The following SEMA5A variants were observed in gnomAD, a reference collection of about 807,000 sequenced individuals.
The protein encoded by SEMA5A is semaphorin-5A.
Under a neutral mutation model 135.5 loss-of-function variants are expected in SEMA5A, and 55 were observed. That is an observed-to-expected ratio of 0.41 (90% CI 0.33 to 0.51). The LOEUF is 0.51. Ranked by LOEUF, SEMA5A falls within the 20% of genes least tolerant of loss-of-function variation. The probability of loss-of-function intolerance (pLI) is 0.37; values close to 1 mark genes in which losing one functional copy is unlikely to be tolerated. For synonymous variants in SEMA5A, 580 were observed against 546.5 expected, an observed-to-expected ratio of 1.06 and a Z score of -0.85; for missense variants, 1,290 against 1,419.9, an observed-to-expected ratio of 0.91 and a Z score of 1.47.
chr5:9,350,218 C>A (rs73050560), intron 3 of SEMA5A, among the ~76,000 whole-genome samples: 1,544 of 152,220 alleles, frequency 0.01, 26 homozygotes, highest in African/African-American at 0.035. Flanking sequence ...ACAAAACTAC[C>A]CTGCATTTAC....
At chr5:9,444,086 T>G (rs948720120) in intron 1 of SEMA5A, among the ~76,000 whole-genome samples, 3 of 152,208 alleles carry the variant, frequency 2.0e-5, no homozygotes, top group Non-Finnish European at 4.4e-5. Context: ...CAAGACAGGG[T>G]CAGGACTCAA....
chr5:9,132,472 G>T (rs1262834609), intron 13 of SEMA5A, among the ~76,000 whole-genome samples: 5 of 152,172 alleles, frequency 3.3e-5, no homozygotes, highest in Non-Finnish European at 7.3e-5. Context: ...TTCTAGGCGG[G>T]ACACAGCAAG....
In SEMA5A at chr5:9,226,930, C is replaced by T. The variant is rs143641645; in HGVS notation, c.371G>A (p.Gly124Asp). The T allele has an allele frequency of 7.0e-6, 11 of 1,578,634 alleles. No individual in the cohort carries two copies. In the East Asian group the frequency reaches 1.2e-4, roughly 17 times the overall value. ...CQNYIRVLLV[G>D]GDRLFTCGTN... Reference sequence around the variant, plus strand: ...CCCACAGGTGAATAACCGGTCGCCACCCACCAGAAGCACCCGGATGTAGTT... The same window carrying T: ...CCCACAGGTGAATAACCGGTCGCCATCCACCAGAAGCACCCGGATGTAGTT... Residue 124 changes from glycine (G) to aspartate (D), a missense_variant, in exon 7 of 23, where the codon GGT becomes GAT. Physicochemically the swap from Gly to Asp is moderately conservative, Grantham distance 94. Transcript: ENST00000382496.
At chr5:9,101,886 T>A (rs1247225977) in intron 16 of SEMA5A, among the ~76,000 whole-genome samples, 5 of 152,170 alleles carry the variant, frequency 3.3e-5, no homozygotes, top group Admixed American at 6.5e-5. Flanking sequence ...ACGTCCAATG[T>A]AAAATAACAA....
intron 15 of SEMA5A, among the ~76,000 whole-genome samples, chr5:9,115,483 T>C (rs1203030118): frequency 6.6e-6 from 1 of 152,198 alleles, no homozygotes; most frequent in Non-Finnish European, 1.5e-5. Flanking sequence ...TGAACAGAAA[T>C]GTCTAAAGCT....
chr5:9,043,462 TTAAG>T (rs1349905811), intron 22 of SEMA5A, among the ~76,000 whole-genome samples: 7 of 152,240 alleles, frequency 4.6e-5, no homozygotes, highest in African/African-American at 1.7e-4. Context: ...TGGAACTTAT[TTAAG>T]TAAGGGCCTC....
chr5:9,108,772 G>A (rs1470311273), intron 15 of SEMA5A, among the ~76,000 whole-genome samples: 1 of 152,096 alleles, frequency 6.6e-6, no homozygotes, highest in Non-Finnish European at 1.5e-5. Flanking sequence ...TAGAGCATGG[G>A]ATTAGCATGA....
chr5:9,294,887 A>G (rs758026397), intron 5 of SEMA5A, among the ~76,000 whole-genome samples: 11 of 151,942 alleles, frequency 7.2e-5, no homozygotes, highest in Non-Finnish European at 1.2e-4. Context: ...CTCTTCCACC[A>G]CCAGAATTCT....
intron 1 of SEMA5A, among the ~76,000 whole-genome samples, chr5:9,526,373 T>G (rs1161120029): frequency 6.6e-6 from 1 of 152,238 alleles, no homozygotes; most frequent in Non-Finnish European, 1.5e-5. Flanking sequence ...TGACATTAAA[T>G]GTATCTTAAA....
At chr5:9,228,201 AC>A (rs1346720083) in intron 6 of SEMA5A, among the ~76,000 whole-genome samples, 2 of 152,194 alleles carry the variant, frequency 1.3e-5, no homozygotes, top group Non-Finnish European at 2.9e-5. Flanking sequence ...ATAGCATATT[AC>A]GTAGCTCCAA....
At chr5:9,382,207 G>A (rs1014190877) in intron 2 of SEMA5A, among the ~76,000 whole-genome samples, 5 of 152,144 alleles carry the variant, frequency 3.3e-5, no homozygotes, top group African/African-American at 1.2e-4. Context: ...GGCTGAAGCA[G>A]GAGGATTGCA....
intron 1 of SEMA5A, among the ~76,000 whole-genome samples, chr5:9,542,471 T>C (rs1738147614): frequency 6.6e-6 from 1 of 152,218 alleles, no homozygotes; most frequent in South Asian, 2.1e-4. Context: ...AATTTGCAAG[T>C]AGATGCAGGT....
chr5:9,369,821 C>G (rs1004352665), intron 3 of SEMA5A, among the ~76,000 whole-genome samples: 3 of 151,872 alleles, frequency 2.0e-5, no homozygotes, highest in African/African-American at 7.3e-5. Flanking sequence ...AGAGGCATAC[C>G]TGGTTATCAT....
chr5:9,525,806 G>T (rs188553856), intron 1 of SEMA5A, among the ~76,000 whole-genome samples: 1 of 152,084 alleles, frequency 6.6e-6, no homozygotes, highest in Non-Finnish European at 1.5e-5. Context: ...TTTTCTTTAC[G>T]CATGAATCAA....
chr5:9,507,192 T>C (rs951042948), intron 1 of SEMA5A, among the ~76,000 whole-genome samples: 10 of 152,236 alleles, frequency 6.6e-5, no homozygotes, highest in Non-Finnish European at 1.2e-4. Context: ...GAAGGCGTGA[T>C]TGAGTTTTCA....
At chr5:9,106,234 G>A (rs1355421844) in intron 16 of SEMA5A, among the ~76,000 whole-genome samples, 1 of 152,172 alleles carries the variant, frequency 6.6e-6, no homozygotes, top group Non-Finnish European at 1.5e-5. Flanking sequence ...AGACATATGT[G>A]TTATTCTGGA....
chr5:9,472,072 T>C (rs905963138), intron 1 of SEMA5A, among the ~76,000 whole-genome samples: 39 of 152,384 alleles, frequency 2.6e-4, no homozygotes, highest in African/African-American at 8.9e-4. Flanking sequence ...TGTATACATG[T>C]GCCATGTTGG....
At chr5:9,143,312 A>G (rs1261448035) in intron 12 of SEMA5A, among the ~76,000 whole-genome samples, 1 of 152,190 alleles carries the variant, frequency 6.6e-6, no homozygotes, top group East Asian at 1.9e-4. Flanking sequence ...TTCACATTAC[A>G]TGCTATGATT....
At chr5:9,231,693 G>C (rs1179990091) in intron 6 of SEMA5A, among the ~76,000 whole-genome samples, 1 of 152,148 alleles carries the variant, frequency 6.6e-6, no homozygotes. Context: ...CAATGTAGAA[G>C]TCCCTTTAGG....
Sources: allele counts gnomAD v4.1 joint callset (sites outside exome capture counted in the v4.1 genomes callset), GRCh38; gene constraint gnomAD v4.1.1; transcripts MANE v1.5; gene names NCBI Gene and HGNC (gene_info 2026-07-23, HGNC 2026-07-21).